Variants in RUFY1 observed in about 807,000 individuals in gnomAD.
RUFY1 encodes the protein RUN and FYVE domain-containing protein 1.
RUFY1 carries 54 observed loss-of-function variants against 94.6 expected under a neutral mutation model. The ratio of observed to expected loss-of-function variants is 0.57; its 90% CI spans 0.46 to 0.72. RUFY1 has a LOEUF of 0.72. RUFY1 is among the 30% of genes least tolerant of loss of function. The pLI, the probability that RUFY1 is intolerant of heterozygous loss-of-function variation, is 0.00. For missense variants in RUFY1, 883 were observed against 883.9 expected, an observed-to-expected ratio of 1.00 and a Z score of 0.01; for synonymous variants, 396 against 347.3, an observed-to-expected ratio of 1.14 and a Z score of -1.56.
Position 179,577,125 on chromosome 5 carries a change from T to C in RUFY1, c.879T>C (p.Asp293=). The C allele has an allele frequency of 6.5e-7, 1 of 1,542,124 alleles. No individual in the cohort carries two copies. The highest frequency in any genetic ancestry group is 8.9e-7 in the Non-Finnish European group (1 of 1,120,238). ...ACCTTAAGGATGTGCAGGATCTTGATGGTGGCAAGGAGTAAGTACTGCGTT... is the reference window on the plus strand; with the variant it reads ...ACCTTAAGGATGTGCAGGATCTTGACGGTGGCAAGGAGTAAGTACTGCGTT... ...SLYLKDVQDL[D]GGKEHERITD... is the part of the protein sequence containing the mutation. The change falls in exon 6 of 18, where the codon GAT becomes GAC. Residue 293 remains aspartate (D), a synonymous_variant. Transcript: ENST00000319449.
chr5:179,582,907 C>T (rs1764273953), intron 7 of RUFY1, among the ~76,000 whole-genome samples: 1 of 152,064 alleles, frequency 6.6e-6, no homozygotes, highest in African/African-American at 2.4e-5. Context: ...TCTTTCTCCG[C>T]CATCATATCA....
At chr5:179,590,570 C>T (rs1185565040) in intron 9 of RUFY1, among the ~76,000 whole-genome samples, 11 of 150,828 alleles carry the variant, frequency 7.3e-5, no homozygotes, top group South Asian at 2.1e-4. Context: ...CTGCAAGCTC[C>T]GCCTCCCAGG....
chr5:179,598,974 C>T (rs550092174), intron 14 of RUFY1, among the ~76,000 whole-genome samples, 153 bp downstream of exon 14: 2 of 152,308 alleles, frequency 1.3e-5, no homozygotes, highest in East Asian at 1.9e-4. Flanking sequence ...GTTTTAGGAG[C>T]ATAAGACAAA....
At chr5:179,608,726 G>C (rs1767372639) in intron 17 of RUFY1, 1 of 688,558 alleles carries the variant, frequency 1.5e-6, no homozygotes, top group South Asian at 6.6e-5. Context: ...AGAAGTTCAA[G>C]ACCAGTCTGG....
intron 2 of RUFY1, among the ~76,000 whole-genome samples, chr5:179,562,306 G>A (rs1052178507): frequency 9.2e-5 from 14 of 152,088 alleles, no homozygotes; most frequent in Non-Finnish European, 1.8e-4. Context: ...TACTCAGGAG[G>A]CTGAGGCAGA....
At chr5:179,609,015 C>CGT (rs1251238859) in intron 17 of RUFY1, among the ~76,000 whole-genome samples, 5 of 151,564 alleles carry the variant, frequency 3.3e-5, no homozygotes, top group Non-Finnish European at 5.9e-5. Context: ...GTCAGGAGAT[C>CGT]GAGACCATCC....
At chr5:179,586,644 G>C (rs1764625944) in intron 8 of RUFY1, among the ~76,000 whole-genome samples, 1 of 152,154 alleles carries the variant, frequency 6.6e-6, no homozygotes, top group Non-Finnish European at 1.5e-5. Context: ...AAAGCTGACT[G>C]CTCCCTCCTG....
At chr5:179,596,435 A>C in intron 12 of RUFY1, 127 bp from the exon 13 acceptor site, 4 of 1,185,362 alleles carry the variant, frequency 3.4e-6, no homozygotes, top group South Asian at 1.2e-5. Flanking sequence ...CTGAATCTCC[A>C]CGTGTTAAAA....
At position 179,557,189 on chromosome 5, in the gene RUFY1, G is replaced by C. The variant is rs936449753; in HGVS notation, c.311-2836G>C. 3.3e-5 allele frequency among the ~76,000 whole-genome samples: 5 copies of C among 152,288 alleles called. No homozygotes were observed. The South Asian group carries it at 1.0e-3, about 32-fold the overall frequency. ...CATGCCTGTAATCCCAGCACTTTGA[G>C]AGGCTGAGGCAGGTGGATGGCCTGA... is the stretch of plus-strand genomic sequence containing the variant. On this transcript the variant is annotated intron_variant, in intron 1 of 17. Transcript: ENST00000319449.
At chr5:179,577,189 T>TTTTTTTTTA in intron 6 of RUFY1, 53 bp downstream of exon 6, 1 of 871,456 alleles carries the variant, frequency 1.1e-6, no homozygotes, top group Non-Finnish European at 1.7e-6. Context: ...TTTTTTTTTT[T>TTTTTTTTTA]GAGACAGAAT....
chr5:179,564,516 C>T (rs1290752920), intron 3 of RUFY1, among the ~76,000 whole-genome samples: 2 of 151,496 alleles, frequency 1.3e-5, no homozygotes, highest in Non-Finnish European at 2.9e-5. Flanking sequence ...GCTCCACCTC[C>T]CAGGCTCAAG....
intron 16 of RUFY1, chr5:179,606,281 GGCCA>G (rs1296492998): frequency 2.3e-5 from 7 of 303,568 alleles, no homozygotes; most frequent in Non-Finnish European, 4.3e-5. Flanking sequence ...AGGGGCCAGA[GGCCA>G]GCCAGCCCCA....
intron 6 of RUFY1, among the ~76,000 whole-genome samples, chr5:179,579,704 C>T (rs1349377063): frequency 2.6e-5 from 3 of 114,300 alleles, no homozygotes; most frequent in African/African-American, 6.6e-5. Flanking sequence ...CCCTCTGTCG[C>T]CCAGGCTGGA....
chr5:179,555,428 G>C (rs1279040401), intron 1 of RUFY1, among the ~76,000 whole-genome samples: 2 of 152,096 alleles, frequency 1.3e-5, no homozygotes, highest in Non-Finnish European at 2.9e-5. Context: ...ACCGCTAAAA[G>C]ATCGTTCCAG....
At chr5:179,590,351 C>G (rs550971952) in intron 9 of RUFY1, among the ~76,000 whole-genome samples, 34 of 147,310 alleles carry the variant, frequency 2.3e-4, no homozygotes, top group Non-Finnish European at 4.5e-4. Flanking sequence ...AAGACTCCGT[C>G]TCAAAAAAAA....
chr5:179,578,407 C>T (rs1178809321), intron 6 of RUFY1, among the ~76,000 whole-genome samples: 1 of 151,356 alleles, frequency 6.6e-6, no homozygotes, highest in Non-Finnish European at 1.5e-5. Flanking sequence ...TTAGTAGAGA[C>T]CGGGTTTCAC....
At chr5:179,572,105 C>A in intron 5 of RUFY1, 1 of 179,642 alleles carries the variant, frequency 5.6e-6, no homozygotes, top group Non-Finnish European at 1.2e-5. Flanking sequence ...AACCTGAGTC[C>A]ACGCGTCTGG....
chr5:179,573,117 G>C (rs1302436740), intron 5 of RUFY1, among the ~76,000 whole-genome samples: 2 of 152,080 alleles, frequency 1.3e-5, no homozygotes, highest in Non-Finnish European at 2.9e-5. Flanking sequence ...CTGAATCTGT[G>C]TTCCTATGCC....
intron 17 of RUFY1, 113 bp downstream of exon 17, chr5:179,607,772 G>GCTGA (rs1379134681): frequency 3.4e-6 from 3 of 869,770 alleles, no homozygotes; most frequent in Non-Finnish European, 5.5e-6. Flanking sequence ...CGGTGACTGT[G>GCTGA]CTGACTGTGG....
Sources: gnomAD v4.1 joint callset for allele counts (sites outside exome capture counted in the v4.1 genomes callset) on GRCh38, gnomAD v4.1.1 for gene constraint, MANE v1.5 for transcripts, NCBI Gene and HGNC (gene_info 2026-07-23, HGNC 2026-07-21) for gene names.